The following DPP6 variants were observed in gnomAD, a reference collection of about 807,000 sequenced individuals.
DPP6 encodes dipeptidyl peptidase like 6.
DPP6 carries 69 observed loss-of-function variants against 122.6 expected under a neutral mutation model. That is an observed-to-expected ratio of 0.56 (90% confidence interval 0.46 to 0.69). The LOEUF is 0.69. Among genes scored for constraint, DPP6 ranks in the 30% least tolerant of loss-of-function variants. The pLI is 0.00. For synonymous variants in DPP6, 418 were observed against 433.1 expected (o/e 0.97, Z 0.43); for missense variants, 928 against 1,116.9 (o/e 0.83, Z 2.41).
chr7:154,655,689 T>C (rs1260266771), intron 6 of DPP6, among the ~76,000 whole-genome samples: 1 of 152,212 alleles, frequency 6.6e-6, no homozygotes, highest in Non-Finnish European at 1.5e-5. Context: ...AATTGGGGCT[T>C]AAGCCAAGTG....
chr7:154,386,686 T>C (rs1390450602), intron 1 of DPP6, among the ~76,000 whole-genome samples: 1 of 152,280 alleles, frequency 6.6e-6, no homozygotes, highest in Non-Finnish European at 1.5e-5. Flanking sequence ...CTGTTTCATA[T>C]GTAAAAGTTA....
chr7:154,686,296 A>C (rs1043632037), intron 7 of DPP6, among the ~76,000 whole-genome samples: 1 of 152,120 alleles, frequency 6.6e-6, no homozygotes, highest in Non-Finnish European at 1.5e-5. Flanking sequence ...GACTTCTCTC[A>C]AGACCAAATG....
chr7:153,944,790 C>G (rs1295343772), intron 1 of DPP6, among the ~76,000 whole-genome samples: 1 of 151,496 alleles, frequency 6.6e-6, no homozygotes, highest in African/African-American at 2.4e-5. Flanking sequence ...ACCACCACGC[C>G]TGGCTAATTT....
At chr7:154,102,316 A>T (rs192778071) in intron 1 of DPP6, among the ~76,000 whole-genome samples, 3 of 152,124 alleles carry the variant, frequency 2.0e-5, no homozygotes, top group African/African-American at 7.2e-5. Context: ...CAGCCTCCTG[A>T]GTAGCTGGGA....
chr7:154,494,443 G>T (rs1824549404), intron 3 of DPP6, among the ~76,000 whole-genome samples: 2 of 149,614 alleles, frequency 1.3e-5, no homozygotes, highest in African/African-American at 2.4e-5. Context: ...TATATCACTT[G>T]TAAGCCTCAG....
At chr7:154,147,297 C>T (rs1400717575) in intron 1 of DPP6, among the ~76,000 whole-genome samples, 11 of 152,292 alleles carry the variant, frequency 7.2e-5, no homozygotes, top group Non-Finnish European at 1.5e-4. Context: ...CTCATTCTCT[C>T]GTCCAGTCTT....
intron 1 of DPP6, among the ~76,000 whole-genome samples, chr7:154,297,768 C>A (rs922043454): frequency 6.6e-6 from 1 of 152,152 alleles, no homozygotes; most frequent in African/African-American, 2.4e-5. Context: ...TTTTCTCCCA[C>A]GAAGGGTTTG....
Position 154,668,465 on chromosome 7 carries a change from C to T in DPP6, c.681-895C>T, listed in dbSNP as rs539230663. On this transcript the variant is annotated intron_variant, in intron 6 of 25. Coordinates refer to ENST00000377770, the MANE Select transcript of DPP6 (RefSeq NM_130797.4). ...TCGATCTCCTGACCTCGTGATCGAC[C>T]GCCTCAGCCTCCCAAAGTGCTGGGA... is the stretch of plus-strand genomic sequence containing the variant. Among the ~76,000 whole-genome samples the T allele has an allele frequency of 4.2e-4, 63 of 151,408 alleles. No homozygotes were observed. The Middle Eastern group carries it at 0.01, about 25-fold the overall frequency.
At chr7:154,234,739 G>T (rs1036284165) in intron 1 of DPP6, among the ~76,000 whole-genome samples, 3 of 152,110 alleles carry the variant, frequency 2.0e-5, no homozygotes, top group Non-Finnish European at 2.9e-5. Flanking sequence ...ATCTGGACTT[G>T]CCATGAGGGT....
intron 16 of DPP6, among the ~76,000 whole-genome samples, chr7:154,846,844 C>T (rs557170617): frequency 6.6e-6 from 1 of 152,188 alleles, no homozygotes; most frequent in African/African-American, 2.4e-5. Flanking sequence ...TAGTATTAAC[C>T]CTTCTGCTAC....
upstream of DPP6, among the ~76,000 whole-genome samples, chr7:153,882,756 C>A (rs569228696): frequency 6.6e-6 from 1 of 151,974 alleles, no homozygotes; most frequent in Non-Finnish European, 1.5e-5. Flanking sequence ...CATGGCAGAT[C>A]CTATGGGACT....
At chr7:154,125,549 C>T (rs1274040470) in intron 1 of DPP6, among the ~76,000 whole-genome samples, 2 of 152,160 alleles carry the variant, frequency 1.3e-5, no homozygotes, top group African/African-American at 4.8e-5. Context: ...AATCCATGTG[C>T]CATGGCCTCT....
intron 1 of DPP6, among the ~76,000 whole-genome samples, chr7:154,078,157 A>G (rs1803705746): frequency 2.0e-5 from 3 of 151,852 alleles, no homozygotes; most frequent in African/African-American, 7.3e-5. Flanking sequence ...TCATGTTTTG[A>G]TTTGCTTTTT....
At chr7:154,061,182 C>A (rs1801811615) in intron 1 of DPP6, among the ~76,000 whole-genome samples, 1 of 148,550 alleles carries the variant, frequency 6.7e-6, no homozygotes, top group Non-Finnish European at 1.5e-5. Context: ...ACTGTGGATC[C>A]CAAACTGCAG....
rs553378741 is a variant in DPP6 at position 154,218,151 on chromosome 7, A to T, written c.243+165088A>T. Among the ~76,000 whole-genome samples the T allele has an allele frequency of 2.0e-5, 3 of 152,274 alleles. No homozygotes were observed. In the East Asian group the frequency reaches 5.8e-4, roughly 29 times the overall value. ...GTGCTGAGATGGATTATGCATTGAC[A>T]CTGTCTTTGAATAGAGGGTGAGTTG... is the stretch of plus-strand genomic sequence containing the variant. On this transcript the variant is annotated intron_variant, in intron 1 of 25. Coordinates refer to ENST00000377770, the MANE Select transcript of DPP6 (RefSeq NM_130797.4).
At chr7:153,839,746 G>A in the DPP6 span, among the ~76,000 whole-genome samples, 1 of 152,164 alleles carries the variant, frequency 6.6e-6, no homozygotes, top group Non-Finnish European at 1.5e-5. Context: ...CCTGTCCTTT[G>A]CATCACAGTC....
At chr7:154,008,232 G>A (rs1322771966) in intron 1 of DPP6, among the ~76,000 whole-genome samples, 13 of 152,178 alleles carry the variant, frequency 8.5e-5, no homozygotes, top group African/African-American at 3.1e-4. Flanking sequence ...ACACCCCTGA[G>A]AAACAAGAGA....
At chr7:153,787,837 C>CTT in the DPP6 span, among the ~76,000 whole-genome samples, 133 of 139,112 alleles carry the variant, frequency 9.6e-4, no homozygotes, top group Middle Eastern at 3.6e-3. Flanking sequence ...TTTACAATTT[C>CTT]TTTTTTTTTT....
intron 10 of DPP6, among the ~76,000 whole-genome samples, chr7:154,776,199 T>TGATTGATAGATA (rs1554463871): frequency 1.3e-5 from 2 of 148,442 alleles, no homozygotes; most frequent in Non-Finnish European, 3.0e-5. Context: ...CCATGATAGA[T>TGATTGATAGATA]GATAGATAGA....
Sources: allele counts gnomAD v4.1 joint callset (sites outside exome capture counted in the v4.1 genomes callset), GRCh38; gene constraint gnomAD v4.1.1; transcripts MANE v1.5; gene names NCBI Gene and HGNC (gene_info 2026-07-23, HGNC 2026-07-21).